The following TTLL10 variants were observed in gnomAD, a reference collection of about 807,000 sequenced individuals.
TTLL10 encodes the protein inactive polyglycylase TTLL10.
In TTLL10, 61 loss-of-function variants were observed where a neutral mutation model predicts 69.0. That is an observed-to-expected ratio of 0.88 (90% confidence interval 0.72 to 1.09). The LOEUF is 1.09. Ranked by LOEUF, TTLL10 falls within the 50% of genes least tolerant of loss-of-function variation. The pLI is 0.00. For missense variants in TTLL10, 962 were observed against 945.9 expected, an observed-to-expected ratio of 1.02 and a Z score of -0.22; for synonymous variants, 408 against 393.3, an observed-to-expected ratio of 1.04 and a Z score of -0.44.
At chr1:1,179,046 C>A (rs367868963) in intron 3 of TTLL10, 143 bp from the exon 4 acceptor site, 4 of 581,180 alleles carry the variant, frequency 6.9e-6, no homozygotes, top group Non-Finnish European at 8.9e-6. Context: ...GGGAGCCAGC[C>A]GCACGCAGAG....
chr1:1,191,119 T>G (rs1480674411), intron 13 of TTLL10, among the ~76,000 whole-genome samples: 1 of 152,232 alleles, frequency 6.6e-6, no homozygotes, highest in Non-Finnish European at 1.5e-5. Context: ...GATGCTCAGC[T>G]GCAAAGTATT....
In TTLL10 at chr1:1,185,160, G is replaced by T. The variant is rs1005402275; in HGVS notation, c.1401+51G>T. The stretch of plus-strand genomic sequence containing the variant: ...GGGAGTGAGATCCCTCGGGGCGGGG[G>T]TGTGTGGTCAGGCTGGGCACCAGGC... On this transcript the variant is annotated intron_variant, in intron 13 of 15. Transcript: ENST00000379289. This position sits in a 1 kb window ranked among gnomAD's most constrained non-coding sequence, Gnocchi z 6.1. 4 of 1,593,728 alleles carry T rather than the reference G, an allele frequency of 2.5e-6. No homozygotes were observed. The highest frequency in any genetic ancestry group is 3.4e-6 in the Non-Finnish European group (4 of 1,168,128).
At position 1,181,929 on chromosome 1, in the gene TTLL10, C is replaced by A; in HGVS notation, c.830+114C>A. ...GTCCCACACAAAGGAAAACCACGAGCTAGAGTCAGAGGTTCAGCCAGGCCA... is the reference window on the plus strand; with the variant it reads ...GTCCCACACAAAGGAAAACCACGAGATAGAGTCAGAGGTTCAGCCAGGCCA... On this transcript the variant is annotated intron_variant, in intron 9 of 15. Transcript: ENST00000379289. The surrounding 1 kb of genome is among the most constrained non-coding windows in gnomAD (Gnocchi z 4.6). The A allele has an allele frequency of 4.0e-6, 4 of 1,008,840 alleles. No individual in the cohort carries two copies. The highest frequency in any genetic ancestry group is 4.5e-6 in the Non-Finnish European group (3 of 672,302). The allele number at this position is 1,008,840 out of a possible 1,614,324, so 62.5% of individuals were successfully genotyped here.
chr1:1,183,344 A>C (rs1444447621), intron 11 of TTLL10, among the ~76,000 whole-genome samples: 2 of 151,304 alleles, frequency 1.3e-5, no homozygotes, highest in East Asian at 1.9e-4. Context: ...CAGCCCCCCT[A>C]CTCCCCGGCC....
rs907856399 is a variant in TTLL10, at chr1:1,197,718, C to A, written c.1893C>A (p.Ser631Arg). Residue 631 changes from serine (S) to arginine (R), a missense_variant, in exon 16 of 16, where the codon AGC (serine) becomes AGA (arginine). Ser to Arg is a moderately radical substitution (Grantham distance 110). Transcript: ENST00000379289. Reference protein sequence around the residue: ...RPRPPGPDLDSAHDGEPQAPG... With the variant: ...RPRPPGPDLDRAHDGEPQAPG... ...GGCCACCCGGCCCCGACCTGGACAG[C>A]GCCCACGATGGGGAGCCCCAGGCCC... The A allele has an allele frequency of 1.4e-4, 219 of 1,529,936 alleles. No individual in the cohort carries two copies. The highest frequency in any genetic ancestry group is 1.9e-4 in the Non-Finnish European group (212 of 1,141,988). The allele number at this position is 1,529,936 out of a possible 1,614,324, so 94.8% of individuals were successfully genotyped here. A position where few individuals can be genotyped will look rare whatever the true frequency, so the allele number is the denominator to read the frequency against.
chr1:1,186,937 C>T (rs968054508), intron 13 of TTLL10, among the ~76,000 whole-genome samples: 2 of 151,538 alleles, frequency 1.3e-5, no homozygotes, highest in African/African-American at 4.8e-5. Flanking sequence ...AGCTCCGCCT[C>T]CCGGGTTCAC....
At chr1:1,188,323 A>G (rs1647493723) in intron 13 of TTLL10, among the ~76,000 whole-genome samples, 1 of 151,298 alleles carries the variant, frequency 6.6e-6, no homozygotes, top group Non-Finnish European at 1.5e-5. Context: ...TATTTTGGCT[A>G]TTCAGGGGCC....
chr1:1,175,863 G>T, intron 3 of TTLL10: 1 of 409,680 alleles, frequency 2.4e-6, no homozygotes, highest in Middle Eastern at 6.5e-4. Context: ...TGGAGAGGCT[G>T]CTGCCGTGCA....
In TTLL10 at chr1:1,181,949, A is replaced by C. The variant is rs1647082877; in HGVS notation, c.830+134A>C. On this transcript the variant is annotated intron_variant, in intron 9 of 15. Transcript: ENST00000379289. The surrounding 1 kb of genome is among the most constrained non-coding windows in gnomAD (Gnocchi z 4.6). ...ACGAGCTAGAGTCAGAGGTTCAGCCAGGCCAGGCCGAGATCCACGCTGACC... is the reference window on the plus strand; with the variant it reads ...ACGAGCTAGAGTCAGAGGTTCAGCCCGGCCAGGCCGAGATCCACGCTGACC... 21 of 859,478 alleles carry C rather than the reference A, an allele frequency of 2.4e-5. No homozygotes were observed. The highest frequency in any genetic ancestry group is 2.2e-4 in the Middle Eastern group (1 of 4,462). The allele number at this position is 859,478 out of a possible 1,614,324, so 53.2% of individuals were successfully genotyped here.
chr1:1,180,707 C>G, intron 7 of TTLL10, 24 bp from the exon 8 acceptor site: 1 of 1,594,682 alleles, frequency 6.3e-7, no homozygotes, highest in Non-Finnish European at 8.5e-7. Context: ...TCCCTCCACA[C>G]GAGCCCTGGC....
At position 1,196,680 on chromosome 1, in the gene TTLL10, C is replaced by T; in HGVS notation, c.1482C>T (p.Leu494=). 1 of 1,552,102 alleles carries T rather than the reference C, an allele frequency of 6.4e-7. No individual in the cohort carries two copies. Among genetic ancestry groups the T allele is most frequent in the Non-Finnish European group, 8.7e-7 (1 of 1,147,012 alleles). ...KLDCKLGYFD[L]IGCDFLIDDN... The stretch of plus-strand genomic sequence containing the variant: ...ACTGCAAGCTGGGTTACTTTGACCT[C>T]ATTGGCTGTGACTTCCTGATTGATG... Residue 494 remains leucine, a synonymous_variant, in exon 14 of 16, where the codon CTC becomes CTT. Transcript: ENST00000379289.
chr1:1,181,146 C>A lies in TTLL10; in HGVS notation c.755+286C>A, dbSNP rs1266016790. 6.6e-6 allele frequency among the ~76,000 whole-genome samples: 1 copy of A among 151,478 alleles called. No homozygotes were observed. The highest frequency in any genetic ancestry group is 2.4e-5 in the African/African-American group (1 of 41,130). On this transcript the variant is annotated intron_variant, in intron 8 of 15. Transcript: ENST00000379289. The surrounding 1 kb of genome is among the most constrained non-coding windows in gnomAD (Gnocchi z 4.6). ...AACCCCTGTCCCATAAACCCACCCT[C>A]TTCCTCGTGGCTGAACGGGGAAGAT...
At chr1:1,190,043 C>T (rs139541693) in intron 13 of TTLL10, among the ~76,000 whole-genome samples, 20,663 of 149,492 alleles carry the variant, frequency 0.14, 2,374 homozygotes, top group African/African-American at 0.33. Context: ...ACCCGGGAGG[C>T]GGAGCTTGCA....
Position 1,197,907 on chromosome 1 carries a change from A to G in TTLL10, c.*60A>G, listed in dbSNP as rs772634737. ...CGCCCCAGCCGTGCTGCCTGCCCTC[A>G]GGGACCTATAAAGCCCACTTTGCTA... On this transcript the variant is annotated 3_prime_UTR_variant, in exon 16 of 16. Transcript: ENST00000379289. 3 of 1,375,084 alleles carry G rather than the reference A, an allele frequency of 2.2e-6. No individual in the cohort carries two copies. Among genetic ancestry groups the G allele is most frequent in the South Asian group, 1.7e-5 (1 of 59,682 alleles). The allele number at this position is 1,375,084 out of a possible 1,614,324, so 85.2% of individuals were successfully genotyped here. A position where few individuals can be genotyped will look rare whatever the true frequency, so the allele number is the denominator to read the frequency against.
chr1:1,197,483 T>C lies in TTLL10; in HGVS notation c.1658T>C (p.Met553Thr), dbSNP rs1648313170. The change falls in exon 16 of 16, where the codon ATG becomes ACG. Residue 553 changes from methionine to threonine, a missense_variant. Transcript: ENST00000379289. ...TFRKSLRGQKMLPLLSQRRFV... is the reference protein window; with the variant it reads ...TFRKSLRGQKTLPLLSQRRFV... The stretch of plus-strand genomic sequence containing the variant: ...CGGAAGAGCCTGCGCGGCCAGAAGA[T>C]GTTGCCTCTGCTGTCCCAGCGCCGC... 9 of 1,545,238 alleles carry C rather than the reference T, an allele frequency of 5.8e-6. No individual in the cohort carries two copies. Among genetic ancestry groups the C allele is most frequent in the Non-Finnish European group, 7.0e-6 (8 of 1,145,508 alleles).
Position 1,180,062 on chromosome 1 carries a change from C to G in TTLL10, c.228C>G (p.Ser76Arg), listed in dbSNP as rs1355903600. ...CGGCCCACGAGAGGCCAATGGGGAG[C>G]AGCCAGGAGGAGGGACTCCGGTGTC... ...VGPAHERPMG[S>R]SQEEGLRCQP... The change falls in exon 6 of 16, where the codon AGC (serine) becomes AGG (arginine). Residue 76 changes from serine (S) to arginine (R), a missense_variant. Ser to Arg is a moderately radical substitution (Grantham distance 110). Transcript: ENST00000379289. 2 of 1,586,644 alleles carry G rather than the reference C, an allele frequency of 1.3e-6. No individual in the cohort carries two copies. The highest frequency in any genetic ancestry group is 1.7e-5 in the Admixed American group (1 of 57,858).
intron 11 of TTLL10, 79 bp from the exon 12 acceptor site, chr1:1,183,841 G>T: frequency 1.3e-6 from 2 of 1,573,444 alleles, no homozygotes; most frequent in Non-Finnish European, 1.7e-6. Flanking sequence ...AATGGAACAG[G>T]CCCGGGGTGG....
intron 9 of TTLL10, among the ~76,000 whole-genome samples, chr1:1,182,084 G>A (rs571271483): frequency 2.0e-5 from 3 of 152,324 alleles, no homozygotes; most frequent in South Asian, 2.1e-4. Flanking sequence ...TGGCTGAGAC[G>A]GTGCCAGCCG....
At chr1:1,189,908 C>G (rs1048329831) in intron 13 of TTLL10, among the ~76,000 whole-genome samples, 1 of 151,998 alleles carries the variant, frequency 6.6e-6, no homozygotes, top group Non-Finnish European at 1.5e-5. Flanking sequence ...GTCAGGAGAT[C>G]GAGACCATCC....
Sources: gnomAD v4.1 joint callset for allele counts (sites outside exome capture counted in the v4.1 genomes callset) on GRCh38, gnomAD v4.1.1 for gene constraint, Gnocchi (gnomAD v3.1) non-coding constraint, MANE v1.5 for transcripts, NCBI Gene and HGNC (gene_info 2026-07-23, HGNC 2026-07-21) for gene names.